The following PVT1 variants were observed in gnomAD, a reference collection of about 807,000 sequenced individuals.
PVT1 encodes CXCR4/PVT1 fusion.
At chr8:127,893,204 A>G (rs2129808815) in intron 3 of PVT1, among the ~76,000 whole-genome samples, 1 of 152,344 alleles carries the variant, frequency 6.6e-6, no homozygotes, top group African/African-American at 2.4e-5. Context: ...TTTTCCATTC[A>G]AACCTCAAAA....
At chr8:127,958,067 A>T (rs1213567831) in intron 3 of PVT1, among the ~76,000 whole-genome samples, 1 of 152,186 alleles carries the variant, frequency 6.6e-6, no homozygotes, top group Non-Finnish European at 1.5e-5. Context: ...GGTGAAGGGA[A>T]CACGGGCGTG....
intron 3 of PVT1, among the ~76,000 whole-genome samples, chr8:127,922,624 A>T (rs893699402): frequency 2.0e-5 from 3 of 152,078 alleles, no homozygotes; most frequent in African/African-American, 7.2e-5. Flanking sequence ...TCACTGTGGG[A>T]CCCAGGACTC....
intron 2 of PVT1, among the ~76,000 whole-genome samples, chr8:127,805,390 C>T (rs34887775): frequency 0.18 from 27,632 of 151,632 alleles, 2,571 homozygotes; most frequent in South Asian, 0.25. Context: ...ATTCTCAGTC[C>T]TAGGATTATT....
intron 2 of PVT1, among the ~76,000 whole-genome samples, chr8:127,863,111 TTTA>T (rs879571623): frequency 7.0e-4 from 105 of 150,192 alleles, no homozygotes; most frequent in Admixed American, 1.4e-3. Flanking sequence ...TATTTATTTA[TTTA>T]TTTATTTATT....
At chr8:128,007,556 G>A (rs1434194333) in intron 4 of PVT1, among the ~76,000 whole-genome samples, 1 of 152,176 alleles carries the variant, frequency 6.6e-6, no homozygotes, top group Admixed American at 6.5e-5. Flanking sequence ...TTTTGTAGGA[G>A]CAAGACAGAA....
At chr8:127,956,585 A>G (rs1816572156) in intron 3 of PVT1, among the ~76,000 whole-genome samples, 1 of 152,210 alleles carries the variant, frequency 6.6e-6, no homozygotes, top group Admixed American at 6.5e-5. Context: ...CCTGAGTTCA[A>G]GCGATTCTCC....
chr8:128,006,414 T>C (rs1371110008), intron 4 of PVT1, among the ~76,000 whole-genome samples: 1 of 152,172 alleles, frequency 6.6e-6, no homozygotes, highest in Non-Finnish European at 1.5e-5. Flanking sequence ...TGTTGGCTTG[T>C]CACATTACTA....
chr8:127,914,280 AAAAAAAAAAAAAAAAAAAAAG>A (rs1219642778), intron 3 of PVT1, among the ~76,000 whole-genome samples: 1 of 130,654 alleles, frequency 7.7e-6, no homozygotes, highest in African/African-American at 3.7e-5. Flanking sequence ...AAAAAAAAAA[AAAAAAAAAAAAAAAAAAAAAG>A]GCAGAAAATA....
At chr8:127,960,487 T>C (rs1454956415) in intron 3 of PVT1, 10 of 289,210 alleles carry the variant, frequency 3.5e-5, no homozygotes. Context: ...AAGTTAGGAA[T>C]CGACCTTCCT....
chr8:127,947,577 C>T, intron 3 of PVT1: 1 of 391,166 alleles, frequency 2.6e-6, no homozygotes, highest in South Asian at 1.9e-5. Flanking sequence ...GGAATCACTG[C>T]TTAGCTTAGA....
chr8:128,009,042 G>C, intron 4 of PVT1: 1 of 394,058 alleles, frequency 2.5e-6, no homozygotes, highest in Non-Finnish European at 5.7e-6. Flanking sequence ...ACCTATCACT[G>C]TTTTATCAAG....
chr8:127,977,189 ATC>A (rs1404437355), intron 3 of PVT1, among the ~76,000 whole-genome samples: 2 of 151,964 alleles, frequency 1.3e-5, no homozygotes, highest in Non-Finnish European at 2.9e-5. Flanking sequence ...TAATCCTCTC[ATC>A]TCTTTCTCCA....
intron 2 of PVT1, among the ~76,000 whole-genome samples, chr8:127,845,176 G>T (rs79776980): frequency 0.044 from 6,635 of 152,228 alleles, 521 homozygotes; most frequent in African/African-American, 0.15. Context: ...GAAATAAGGT[G>T]TGTGTTGTGA....
intron 3 of PVT1, chr8:127,940,409 G>A (rs1816333323): frequency 6.6e-6 from 1 of 152,110 alleles, no homozygotes; most frequent in Admixed American, 6.5e-5. Flanking sequence ...CCACGAGCTG[G>A]TCAGACCCGG....
chr8:127,895,915 G>A (rs144095441), intron 3 of PVT1, among the ~76,000 whole-genome samples: 232 of 152,302 alleles, frequency 1.5e-3, no homozygotes, highest in African/African-American at 5.4e-3. Context: ...GTGTGGCTGT[G>A]TGCCAATAAA....
chr8:127,974,033 C>T (rs1420372263), intron 3 of PVT1, among the ~76,000 whole-genome samples: 1 of 151,904 alleles, frequency 6.6e-6, no homozygotes, highest in African/African-American at 2.4e-5. Context: ...ATTTCTTGGC[C>T]TCTCAGCAGG....
chr8:127,999,843 T>C (rs1817154985), intron 4 of PVT1, among the ~76,000 whole-genome samples: 4 of 152,206 alleles, frequency 2.6e-5, no homozygotes, highest in Admixed American at 2.6e-4. Flanking sequence ...TGTTGGAAAG[T>C]TCACGTGGGG....
At chr8:128,023,871 T>C (rs1817465102) in intron 4 of PVT1, among the ~76,000 whole-genome samples, 1 of 152,210 alleles carries the variant, frequency 6.6e-6, no homozygotes, top group Non-Finnish European at 1.5e-5. Flanking sequence ...TCAGTATCAG[T>C]TTGAGAACAC....
chr8:127,889,039 T>TTC (rs1563631167), intron 2 of PVT1, among the ~76,000 whole-genome samples: 10,926 of 81,276 alleles, frequency 0.13, 637 homozygotes, highest in Admixed American at 0.18. Flanking sequence ...TCTCTTTCTT[T>TTC]CTTCCTTCCT....
Sources: gnomAD v4.1 joint callset for allele counts (sites outside exome capture counted in the v4.1 genomes callset) on GRCh38, gnomAD v4.1.1 for gene constraint, MANE v1.5 for transcripts, NCBI Gene and HGNC (gene_info 2026-07-23, HGNC 2026-07-21) for gene names.